Variants in SNAP91 observed in about 807,000 individuals in gnomAD.
SNAP91 encodes the protein synaptosome associated protein 91, also known as clathrin coat assembly protein AP180.
Under a neutral mutation model 100.3 loss-of-function variants are expected in SNAP91, and 27 were observed. That is an observed-to-expected ratio of 0.27 (90% confidence interval 0.20 to 0.37). The LOEUF is 0.37. Among genes scored for constraint, SNAP91 ranks in the 10% least tolerant of loss-of-function variants. The pLI, the probability that SNAP91 is intolerant of heterozygous loss-of-function variation, is 1.00. For synonymous variants in SNAP91, 404 were observed against 398.6 expected (o/e 1.01, Z -0.16); for missense variants, 986 against 1,123.7 (o/e 0.88, Z 1.75).
At chr6:83,582,436 T>C (rs1395193539) in intron 22 of SNAP91, 80 bp from the exon 23 acceptor site, 19 of 1,398,990 alleles carry the variant, frequency 1.4e-5, no homozygotes, top group East Asian at 2.5e-5. Flanking sequence ...TAAAAAGTTA[T>C]AGAAAACTGA....
At chr6:83,641,660 TTTAAG>T (rs1344203570) in intron 7 of SNAP91, among the ~76,000 whole-genome samples, 1 of 152,232 alleles carries the variant, frequency 6.6e-6, no homozygotes, top group East Asian at 1.9e-4. Context: ...TAAAGAATTC[TTTAAG>T]TTTTCTACAC....
chr6:83,570,612 T>C (rs1213010060), intron 26 of SNAP91, among the ~76,000 whole-genome samples: 1 of 151,822 alleles, frequency 6.6e-6, no homozygotes, highest in Non-Finnish European at 1.5e-5. Flanking sequence ...GTGTGCAGTC[T>C]AGGGACCTGG....
At chr6:83,601,233 A>T in intron 16 of SNAP91, 38 bp downstream of exon 16, 1 of 1,606,800 alleles carries the variant, frequency 6.2e-7, no homozygotes, top group Non-Finnish European at 8.5e-7. Flanking sequence ...AATTTTAGCA[A>T]TCCTGAAAAA....
At chr6:83,619,623 T>C (rs2096634447) in intron 9 of SNAP91, among the ~76,000 whole-genome samples, 1 of 152,174 alleles carries the variant, frequency 6.6e-6, no homozygotes, top group Non-Finnish European at 1.5e-5. Flanking sequence ...TGGTTACCGA[T>C]TCATCAGTTG....
intron 2 of SNAP91, among the ~76,000 whole-genome samples, chr6:83,692,621 C>G (rs1429829026): frequency 6.6e-6 from 1 of 152,114 alleles, no homozygotes; most frequent in Non-Finnish European, 1.5e-5. Flanking sequence ...AGATCACAGG[C>G]AGAAAGCAGC....
chr6:83,681,008 T>C (rs1404277817), intron 2 of SNAP91, among the ~76,000 whole-genome samples: 1 of 152,082 alleles, frequency 6.6e-6, no homozygotes, highest in East Asian at 1.9e-4. Context: ...CTAATATGTG[T>C]GCATAGTGCT....
chr6:83,651,436 G>C (rs2098199401), intron 7 of SNAP91, among the ~76,000 whole-genome samples: 1 of 151,996 alleles, frequency 6.6e-6, no homozygotes, highest in African/African-American at 2.4e-5. Context: ...ATTTTGATAA[G>C]GTGTATTTTC....
intron 26 of SNAP91, among the ~76,000 whole-genome samples, chr6:83,563,120 C>T (rs962748618): frequency 3.9e-5 from 6 of 152,236 alleles, no homozygotes; most frequent in African/African-American, 4.8e-5. Flanking sequence ...TTCCTGTGAA[C>T]GAGACATCTT....
chr6:83,707,538 T>C (rs1253190704), intron 2 of SNAP91, among the ~76,000 whole-genome samples: 2 of 82,294 alleles, frequency 2.4e-5, no homozygotes, highest in Admixed American at 1.5e-4. Context: ...TACATATGCG[T>C]GTGTGTGTGT....
At chr6:83,601,720 T>C in intron 14 of SNAP91, 121 bp from the exon 15 acceptor site, 1 of 843,792 alleles carries the variant, frequency 1.2e-6, no homozygotes, top group East Asian at 2.4e-5. Flanking sequence ...TTTATGTGTC[T>C]TCTACACCAT....
At chr6:83,681,372 G>A (rs981094102) in intron 2 of SNAP91, among the ~76,000 whole-genome samples, 2 of 152,116 alleles carry the variant, frequency 1.3e-5, no homozygotes, top group Non-Finnish European at 2.9e-5. Context: ...TCTAGGCCCT[G>A]TGGAACAACA....
At chr6:83,584,846 T>C (rs2092100553) in intron 22 of SNAP91, among the ~76,000 whole-genome samples, 1 of 152,184 alleles carries the variant, frequency 6.6e-6, no homozygotes, top group Non-Finnish European at 1.5e-5. Flanking sequence ...GTCTGGATTC[T>C]TTGCCACTGT....
chr6:83,589,709 G>A (rs913801811), intron 22 of SNAP91, among the ~76,000 whole-genome samples: 1 of 152,132 alleles, frequency 6.6e-6, no homozygotes, highest in Admixed American at 6.5e-5. Flanking sequence ...TAAATAGCCA[G>A]TCTGAATTAC....
chr6:83,692,192 T>C (rs1264792921), intron 2 of SNAP91, among the ~76,000 whole-genome samples: 1 of 152,294 alleles, frequency 6.6e-6, no homozygotes, highest in African/African-American at 2.4e-5. Context: ...CGATAATTTA[T>C]AGAGTAATTA....
chr6:83,677,454 C>A (rs2098926250), intron 2 of SNAP91, among the ~76,000 whole-genome samples: 1 of 152,144 alleles, frequency 6.6e-6, no homozygotes, highest in Non-Finnish European at 1.5e-5. Context: ...GCAAAATTTC[C>A]AACCATGTGC....
chr6:83,622,037 A>G (rs1029675984), intron 9 of SNAP91, among the ~76,000 whole-genome samples: 1 of 152,092 alleles, frequency 6.6e-6, no homozygotes, highest in Non-Finnish European at 1.5e-5. Context: ...ATATCTAATA[A>G]AGAGATTTTT....
At chr6:83,642,348 C>G (rs1386373457) in intron 7 of SNAP91, among the ~76,000 whole-genome samples, 1 of 152,206 alleles carries the variant, frequency 6.6e-6, no homozygotes, top group African/African-American at 2.4e-5. Flanking sequence ...CCTCCCCTCA[C>G]CCCACAACAG....
rs1213232261 is a variant in SNAP91, at chr6:83,573,438, T to C, written c.2442+1572A>G. ...GCTACCAATGACTTTCTTCACAGAA[T>C]TGGAAAAAACTACTTTAAAGTTCAT... On this transcript the variant is annotated intron_variant, in intron 26 of 29. Coordinates refer to ENST00000369694, the MANE Select transcript of SNAP91 (RefSeq NM_001242792.2). Among the ~76,000 whole-genome samples the C allele has an allele frequency of 5.9e-5, 9 of 152,200 alleles. No individual in the cohort carries two copies. In the East Asian group the frequency reaches 1.5e-3, roughly 26 times the overall value.
chr6:83,641,654 G>A lies in SNAP91; in HGVS notation c.659-452C>T, dbSNP rs147129738. Among the ~76,000 whole-genome samples, 5 of 152,134 alleles carry A rather than the reference G, an allele frequency of 3.3e-5. No homozygotes were observed. In the East Asian group the frequency reaches 9.6e-4, roughly 29 times the overall value. On this transcript the variant is annotated intron_variant, in intron 7 of 29. Coordinates refer to ENST00000369694, the MANE Select transcript of SNAP91 (RefSeq NM_001242792.2). ...AATCAATAAACCTTCCTGAATTAAA[G>A]AATTCTTTAAGTTTTCTACACTAAG... is the stretch of plus-strand genomic sequence containing the variant.
Sources: allele counts gnomAD v4.1 joint callset (sites outside exome capture counted in the v4.1 genomes callset), GRCh38; gene constraint gnomAD v4.1.1; transcripts MANE v1.5; gene names NCBI Gene and HGNC (gene_info 2026-07-23, HGNC 2026-07-21).